KMT2C: variants seen among roughly 807,000 people sequenced by gnomAD.
The protein encoded by KMT2C is histone-lysine N-methyltransferase 2C.
Under a neutral mutation model 507.9 loss-of-function variants are expected in KMT2C, and 88 were observed. That is an observed-to-expected ratio of 0.17 (90% confidence interval 0.15 to 0.21). The LOEUF is 0.21. Among genes scored for constraint, KMT2C ranks in the 10% least tolerant of loss-of-function variants. The probability of loss-of-function intolerance (pLI) is 1.00; values close to 1 mark genes in which losing one functional copy is unlikely to be tolerated. For missense variants in KMT2C, 4,954 were observed against 5,957.8 expected (o/e 0.83, Z 5.55); for synonymous variants, 2,049 against 2,080.8 (o/e 0.98, Z 0.42).
intron 6 of KMT2C, among the ~76,000 whole-genome samples, chr7:152,287,368 T>C (rs1355614206): frequency 6.6e-6 from 1 of 152,106 alleles, no homozygotes; most frequent in Non-Finnish European, 1.5e-5. Context: ...AGTCCAGAGT[T>C]TTCACTCCTA....
At chr7:152,395,744 G>C (rs946526528) in intron 1 of KMT2C, among the ~76,000 whole-genome samples, 1 of 152,124 alleles carries the variant, frequency 6.6e-6, no homozygotes, top group Non-Finnish European at 1.5e-5. Context: ...CTGACCTCAA[G>C]TGATCTGCCT....
At chr7:152,145,363 TC>T in intron 53 of KMT2C, 68 bp from the exon 54 acceptor site, 2 of 1,503,366 alleles carry the variant, frequency 1.3e-6, no homozygotes, top group South Asian at 1.2e-5. Flanking sequence ...CTCAAGCTGG[TC>T]AAAGGATGGC....
chr7:152,163,683 G>A lies in KMT2C; in HGVS notation c.9894C>T (p.Thr3298=), dbSNP rs950860078. Reference sequence around the variant, plus strand: ...CCATGGGAAAGGTGGGTTGGCTCATGGTGGGTGGAGTGGCACCTGGAATTA... The same window carrying A: ...CCATGGGAAAGGTGGGTTGGCTCATAGTGGGTGGAGTGGCACCTGGAATTA... ...PPLIPGATPP[T]MSQPTFPMVP... is the part of the protein sequence containing the mutation. Residue 3298 remains threonine, a synonymous_variant, in exon 43 of 59, where the codon ACC becomes ACT. Coordinates refer to ENST00000262189, the MANE Select transcript of KMT2C (RefSeq NM_170606.3). 6.2e-7 allele frequency: 1 copy of A among 1,613,938 alleles called. No individual in the cohort carries two copies. The highest frequency in any genetic ancestry group is 1.7e-5 in the Admixed American group (1 of 59,998).
At chr7:152,328,424 C>T (rs1228404634) in intron 3 of KMT2C, among the ~76,000 whole-genome samples, 1 of 152,116 alleles carries the variant, frequency 6.6e-6, no homozygotes, top group Non-Finnish European at 1.5e-5. Flanking sequence ...CACCAAAGCT[C>T]TCAGACAGAA....
In KMT2C at chr7:152,183,011, C is replaced by T. The variant is rs2129121456; in HGVS notation, c.5228G>A (p.Arg1743Lys). ...CCATTCCTGTTCATGTTCTGATTCT[C>T]TTTGCTTTAAAGGATCTTTAAAAAG... is the stretch of plus-strand genomic sequence containing the variant. The part of the protein sequence containing the change: ...SELFKDPLKQ[R>K]ESEHEQEWKF... Residue 1743 changes from arginine to lysine, a missense_variant, in exon 35 of 59, where the codon AGA becomes AAA. By Grantham distance (26) the Arg-to-Lys change is conservative. Coordinates refer to ENST00000262189, the MANE Select transcript of KMT2C (RefSeq NM_170606.3). 6.2e-7 allele frequency: 1 copy of T among 1,606,530 alleles called. No individual in the cohort carries two copies. Among genetic ancestry groups the T allele is most frequent in the African/African-American group, 1.3e-5 (1 of 74,596 alleles).
intron 43 of KMT2C, 88 bp downstream of exon 43, chr7:152,162,029 T>G (rs2092480424): frequency 1.5e-6 from 2 of 1,369,570 alleles, no homozygotes; most frequent in Admixed American, 5.8e-5. Flanking sequence ...TGTAGAATAA[T>G]GTGGAAATAC....
chr7:152,378,564 TA>T (rs2097346973), intron 1 of KMT2C, among the ~76,000 whole-genome samples: 1 of 152,196 alleles, frequency 6.6e-6, no homozygotes, highest in South Asian at 2.1e-4. Context: ...TAAACCAAAA[TA>T]TTTGTGTGCC....
At chr7:152,255,138 T>TATATATATATATAC (rs2095635856) in intron 9 of KMT2C, among the ~76,000 whole-genome samples, 8 of 124,790 alleles carry the variant, frequency 6.4e-5, no homozygotes, top group Admixed American at 2.4e-4. Flanking sequence ...TATATATATA[T>TATATATATATATAC]ATATATACAT....
intron 3 of KMT2C, among the ~76,000 whole-genome samples, chr7:152,324,972 C>T (rs567823163): frequency 6.6e-6 from 1 of 151,974 alleles, no homozygotes; most frequent in East Asian, 1.9e-4. Context: ...TGCTTACTGC[C>T]TTCTACAGAA....
Position 152,181,049 on chromosome 7 carries a change from T to C in KMT2C, c.6811A>G (p.Thr2271Ala), listed in dbSNP as rs2129119580. The C allele has an allele frequency of 3.7e-6, 6 of 1,614,178 alleles. No homozygotes were observed. Among genetic ancestry groups the C allele is most frequent in the Non-Finnish European group, 5.1e-6 (6 of 1,180,038 alleles). Reference sequence around the variant, plus strand: ...GGGGGCCTAGGTGTCTGGGAACATGTATCAGGTGGCCTTACCAACGGGCCA... The same window carrying C: ...GGGGGCCTAGGTGTCTGGGAACATGCATCAGGTGGCCTTACCAACGGGCCA... ...LPGPLVRPPDTCSQTPRPPGP... is the reference protein window; with the variant it reads ...LPGPLVRPPDACSQTPRPPGP... The change falls in exon 36 of 59, where the codon ACA becomes GCA. Residue 2271 changes from threonine (T) to alanine (A), a missense_variant. Thr to Ala is a moderately conservative substitution (Grantham distance 58). This residue lies in a region of KMT2C where 1,689 missense variants were observed against 1,654.3 expected (regional missense o/e 1.02). Transcript: ENST00000262189.
intron 1 of KMT2C, among the ~76,000 whole-genome samples, chr7:152,371,765 C>T (rs2129241562): frequency 6.6e-6 from 1 of 152,120 alleles, no homozygotes; most frequent in African/African-American, 2.4e-5. Context: ...AGACACATGC[C>T]ACCACACCTG....
intron 1 of KMT2C, among the ~76,000 whole-genome samples, chr7:152,415,927 TC>T (rs1451991916): frequency 2.0e-5 from 3 of 152,118 alleles, no homozygotes; most frequent in Non-Finnish European, 4.4e-5. Flanking sequence ...GTCCTACTAA[TC>T]AAGTAAGTAA....
chr7:152,194,337 T>G, intron 29 of KMT2C, 76 bp from the exon 30 acceptor site: 2 of 1,380,848 alleles, frequency 1.4e-6, no homozygotes, highest in Non-Finnish European at 2.0e-6. Flanking sequence ...AGTATTTAAC[T>G]GACAGAAATA....
Position 152,171,265 on chromosome 7 carries a change from T to C in KMT2C, c.9452A>G (p.Gln3151Arg), listed in dbSNP as rs2129108496. The C allele has an allele frequency of 1.2e-6, 2 of 1,602,508 alleles. No individual in the cohort carries two copies. Among genetic ancestry groups the C allele is most frequent in the Non-Finnish European group, 1.7e-6 (2 of 1,173,986 alleles). The change falls in exon 40 of 59, where the codon CAG (glutamine) becomes CGG (arginine). Residue 3151 changes from glutamine to arginine, a missense_variant and splice_region_variant. This residue lies in a region of KMT2C where 1,689 missense variants were observed against 1,654.3 expected (regional missense o/e 1.02). Transcript: ENST00000262189. ...GQNLGPQAIP[Q>R]DGSITHQISR... is the part of the protein sequence containing the mutation. The stretch of plus-strand genomic sequence containing the variant: ...GGGACTCATTACAGGCAGTGTTACC[T>C]GAGGAATGGCCTGTGGTCCAAGGTT...
chr7:152,196,313 A>C (rs188985495), intron 27 of KMT2C, among the ~76,000 whole-genome samples: 44 of 152,368 alleles, frequency 2.9e-4, no homozygotes, highest in Middle Eastern at 3.4e-3. Context: ...CAAAGAAAAA[A>C]AAGTTTTTCA....
chr7:152,377,567 T>C (rs1262273319), intron 1 of KMT2C, among the ~76,000 whole-genome samples: 2 of 151,828 alleles, frequency 1.3e-5, no homozygotes, highest in African/African-American at 2.4e-5. Context: ...AAACCCTATT[T>C]CTACTAAAAA....
intron 23 of KMT2C, among the ~76,000 whole-genome samples, chr7:152,214,366 TAAAG>T (rs1326302128): frequency 1.3e-5 from 2 of 152,172 alleles, no homozygotes; most frequent in Admixed American, 6.5e-5. Flanking sequence ...GATGAATGGA[TAAAG>T]AAATTGTGAC....
At chr7:152,267,647 A>G (rs1477685353) in intron 7 of KMT2C, among the ~76,000 whole-genome samples, 1 of 152,194 alleles carries the variant, frequency 6.6e-6, no homozygotes, top group Non-Finnish European at 1.5e-5. Context: ...TCTGCATCAA[A>G]TCATCTCTAC....
intron 1 of KMT2C, among the ~76,000 whole-genome samples, chr7:152,369,747 G>GC (rs35598829): frequency 0.041 from 6,274 of 152,184 alleles, 198 homozygotes; most frequent in South Asian, 0.09. Flanking sequence ...ACAGCACAAA[G>GC]CCCTCACCAC....
Sources: allele counts gnomAD v4.1 joint callset (sites outside exome capture counted in the v4.1 genomes callset), GRCh38; gene constraint gnomAD v4.1.1; regional missense constraint gnomAD v4.1.1; transcripts MANE v1.5; gene names NCBI Gene and HGNC (gene_info 2026-07-23, HGNC 2026-07-21).